The following TRPS1 variants were observed in gnomAD, a reference collection of about 807,000 sequenced individuals.
TRPS1 encodes the protein zinc finger transcription factor Trps1.
Under a neutral mutation model 101.2 loss-of-function variants are expected in TRPS1, and 6 were observed. The ratio of observed to expected loss-of-function variants is 0.06; its 90% CI spans 0.03 to 0.12. TRPS1 has a LOEUF of 0.12. Among genes scored for constraint, TRPS1 ranks in the 10% least tolerant of loss-of-function variants. The pLI, the probability that TRPS1 is intolerant of heterozygous loss-of-function variation, is 1.00. For synonymous variants in TRPS1, 578 were observed against 589.8 expected (o/e 0.98, Z 0.29); for missense variants, 1,363 against 1,567.0 (o/e 0.87, Z 2.20).
At chr8:115,473,051 C>T (rs1563755829) in intron 5 of TRPS1, among the ~76,000 whole-genome samples, 1 of 152,188 alleles carries the variant, frequency 6.6e-6, no homozygotes, top group Non-Finnish European at 1.5e-5. Context: ...CCAACCTCTG[C>T]CTGTTACCCA....
intron 1 of TRPS1, among the ~76,000 whole-genome samples, chr8:115,652,658 T>C (rs560577405): frequency 2.6e-5 from 4 of 152,342 alleles, no homozygotes; most frequent in South Asian, 2.1e-4. Flanking sequence ...TCATTAGCCA[T>C]GTATAAGCTA....
chr8:115,629,897 T>C (rs981201131), intron 1 of TRPS1, among the ~76,000 whole-genome samples: 7 of 151,884 alleles, frequency 4.6e-5, no homozygotes, highest in Non-Finnish European at 1.0e-4. Flanking sequence ...GGGGTCACAA[T>C]CAGTAAACAC....
At chr8:115,440,865 T>C (rs1813575878) in intron 5 of TRPS1, among the ~76,000 whole-genome samples, 1 of 152,202 alleles carries the variant, frequency 6.6e-6, no homozygotes, top group African/African-American at 2.4e-5. Flanking sequence ...CTAAAATGTT[T>C]TCCGACTTTT....
At chr8:115,491,783 A>G (rs1040592087) in intron 5 of TRPS1, among the ~76,000 whole-genome samples, 3 of 152,208 alleles carry the variant, frequency 2.0e-5, no homozygotes, top group African/African-American at 7.2e-5. Context: ...TGTTAGCAAC[A>G]AGGCCACTGG....
chr8:115,425,908 T>A (rs1813175798), intron 5 of TRPS1, among the ~76,000 whole-genome samples: 1 of 152,206 alleles, frequency 6.6e-6, no homozygotes, highest in African/African-American at 2.4e-5. Flanking sequence ...AAACCCAGAT[T>A]TCTGGAGTTC....
At chr8:115,517,528 T>C (rs989537868) in intron 5 of TRPS1, among the ~76,000 whole-genome samples, 14 of 149,756 alleles carry the variant, frequency 9.3e-5, no homozygotes, top group Non-Finnish European at 3.0e-5. Context: ...GGCTAATTAG[T>C]AACATTAAAA....
chr8:115,549,004 C>T (rs1169425666), intron 5 of TRPS1, among the ~76,000 whole-genome samples: 4 of 152,156 alleles, frequency 2.6e-5, no homozygotes, highest in South Asian at 2.1e-4. Flanking sequence ...ACTGATTACA[C>T]TGATTAATAG....
At chr8:115,621,222 T>A (rs1157714227) in intron 2 of TRPS1, among the ~76,000 whole-genome samples, 1 of 152,234 alleles carries the variant, frequency 6.6e-6, no homozygotes, top group East Asian at 1.9e-4. Context: ...TGTTTCTTAA[T>A]CACTCAGCTT....
At chr8:115,612,231 CA>C (rs1818186570) in intron 3 of TRPS1, among the ~76,000 whole-genome samples, 1 of 141,290 alleles carries the variant, frequency 7.1e-6, no homozygotes, top group African/African-American at 2.6e-5. Context: ...AGAAAGAGCA[CA>C]AAAAAGAAAT....
At chr8:115,498,395 CTCTCTCTCTCTCTCTCTCTCTA>C (rs1815207171) in intron 5 of TRPS1, among the ~76,000 whole-genome samples, 1 of 78,922 alleles carries the variant, frequency 1.3e-5, no homozygotes, top group Non-Finnish European at 2.3e-5. Flanking sequence ...CTCTCTCTCT[CTCTCTCTCTCTCTCTCTCTCTA>C]TATATATATA....
intron 5 of TRPS1, among the ~76,000 whole-genome samples, chr8:115,569,401 A>G (rs1586412785): frequency 6.6e-6 from 1 of 152,144 alleles, no homozygotes; most frequent in African/African-American, 2.4e-5. Context: ...ACTTGAGGAA[A>G]AGAGCTCCAT....
At chr8:115,667,993 C>A in intron 1 of TRPS1, 1 of 1,143,438 alleles carries the variant, frequency 8.7e-7, no homozygotes, top group Non-Finnish European at 1.2e-6. Flanking sequence ...CCGCTGCGCC[C>A]GGTAGGAGAG....
chr8:115,564,916 GTACA>G (rs1187676162), intron 5 of TRPS1, among the ~76,000 whole-genome samples: 1 of 151,972 alleles, frequency 6.6e-6, no homozygotes, highest in African/African-American at 2.4e-5. Context: ...ATAAATAATG[GTACA>G]TACACTTGAA....
intron 5 of TRPS1, among the ~76,000 whole-genome samples, chr8:115,553,229 C>A (rs1312089683): frequency 6.6e-6 from 1 of 151,606 alleles, no homozygotes; most frequent in African/African-American, 2.4e-5. Flanking sequence ...TTTTTTGTTG[C>A]TTTTTACCAA....
chr8:115,618,417 AAGAT>A (rs1195195931), intron 3 of TRPS1, among the ~76,000 whole-genome samples: 13 of 152,332 alleles, frequency 8.5e-5, no homozygotes, highest in Admixed American at 7.2e-4. Flanking sequence ...TAAAGACAGA[AAGAT>A]AGAACAAAAA....
At chr8:115,549,686 A>C (rs902166833) in intron 5 of TRPS1, among the ~76,000 whole-genome samples, 3 of 151,890 alleles carry the variant, frequency 2.0e-5, no homozygotes, top group Admixed American at 6.6e-5. Context: ...AAAAAAAAAA[A>C]AACGCTAAAC....
At chr8:115,587,687 T>G in intron 4 of TRPS1, 83 bp from the exon 5 acceptor site, 1 of 1,602,616 alleles carries the variant, frequency 6.2e-7, no homozygotes, top group African/African-American at 1.3e-5. Flanking sequence ...CACCTGAATT[T>G]TCTACCTACT....
At chr8:115,465,104 G>A (rs1490253672) in intron 5 of TRPS1, among the ~76,000 whole-genome samples, 1 of 151,914 alleles carries the variant, frequency 6.6e-6, no homozygotes, top group Non-Finnish European at 1.5e-5. Context: ...GATTTCTTAA[G>A]AACATTTCAA....
At chr8:115,569,968 T>G (rs1016349396) in intron 5 of TRPS1, among the ~76,000 whole-genome samples, 1 of 152,094 alleles carries the variant, frequency 6.6e-6, no homozygotes, top group African/African-American at 2.4e-5. Context: ...ACAAATAGAC[T>G]TTTTAGGTTT....
Sources: gnomAD v4.1 joint callset for allele counts (sites outside exome capture counted in the v4.1 genomes callset) on GRCh38, gnomAD v4.1.1 for gene constraint, MANE v1.5 for transcripts, NCBI Gene and HGNC (gene_info 2026-07-23, HGNC 2026-07-21) for gene names.